CNTNAP5: variants seen among roughly 807,000 people sequenced by gnomAD.
CNTNAP5 encodes contactin-associated protein-like 5.
A neutral mutation model predicts 150.2 loss-of-function variants in CNTNAP5; 72 were observed. The ratio of observed to expected loss-of-function variants is 0.48; its 90% CI spans 0.40 to 0.58. The LOEUF (loss-of-function observed/expected upper bound fraction) is 0.58. Ranked by LOEUF, CNTNAP5 falls within the 20% of genes least tolerant of loss-of-function variation. The pLI is 0.00. For missense variants in CNTNAP5, 1,636 were observed against 1,626.2 expected (o/e 1.01, Z -0.10); for synonymous variants, 672 against 619.8 (o/e 1.08, Z -1.25).
chr2:124,469,563 T>C (rs1338928068), intron 6 of CNTNAP5, among the ~76,000 whole-genome samples: 2 of 151,956 alleles, frequency 1.3e-5, no homozygotes, highest in African/African-American at 4.8e-5. Context: ...CTTTTCTTTT[T>C]TTTTACATTT....
intron 3 of CNTNAP5, among the ~76,000 whole-genome samples, chr2:124,254,353 T>A (rs531071077): frequency 1.3e-5 from 2 of 152,256 alleles, no homozygotes; most frequent in African/African-American, 4.8e-5. Flanking sequence ...CATTTGCAAA[T>A]TCCAGAGGCC....
rs759271498 is a variant in CNTNAP5 at position 124,504,495 on chromosome 2, G to C, written c.1266G>C (p.Glu422Asp). 1 of 1,613,692 alleles carries C rather than the reference G, an allele frequency of 6.2e-7. No homozygotes were observed. The highest frequency in any genetic ancestry group is 8.5e-7 in the Non-Finnish European group (1 of 1,179,842). The change falls in exon 8 of 24, where the codon GAG becomes GAC. Residue 422 changes from glutamate to aspartate, a missense_variant. Transcript: ENST00000682447. ...CGGGAACCCTGCTGCTGAGCCTGGA[G>C]GGTGGAATCCTGAGACTCGTGATTC... The part of the protein sequence containing the change: ...EGSGTLLLSL[E>D]GGILRLVIQK...
intron 10 of CNTNAP5, among the ~76,000 whole-genome samples, chr2:124,539,151 G>A (rs1429962922): frequency 1.3e-5 from 2 of 152,140 alleles, no homozygotes; most frequent in African/African-American, 4.8e-5. Flanking sequence ...GAAAAAGGCA[G>A]GTCTGACCTG....
intron 13 of CNTNAP5, among the ~76,000 whole-genome samples, chr2:124,693,246 CTT>C (rs1558737816): frequency 2.6e-5 from 4 of 152,028 alleles, no homozygotes; most frequent in Non-Finnish European, 5.9e-5. Context: ...GAATAAATGC[CTT>C]TTTGTTATTT....
chr2:124,249,977 GTGTGTGTGTGTGTGTA>G (rs1443671329), intron 3 of CNTNAP5, among the ~76,000 whole-genome samples: 5 of 100,224 alleles, frequency 5.0e-5, no homozygotes, highest in Middle Eastern at 5.9e-3. Flanking sequence ...GTGTGTGTGT[GTGTGTGTGTGTGTGTA>G]TGTGTTTCTT....
At chr2:124,534,464 C>T (rs1695183724) in intron 10 of CNTNAP5, among the ~76,000 whole-genome samples, 1 of 152,122 alleles carries the variant, frequency 6.6e-6, no homozygotes, top group South Asian at 2.1e-4. Context: ...ACAGACAATT[C>T]CAAGAACTGA....
At chr2:124,083,868 G>C (rs1364511420) in intron 1 of CNTNAP5, among the ~76,000 whole-genome samples, 1 of 150,962 alleles carries the variant, frequency 6.6e-6, no homozygotes, top group Non-Finnish European at 1.5e-5. Context: ...TAAAATAATA[G>C]TAATATAACA....
At chr2:124,651,178 G>T (rs576731806) in intron 13 of CNTNAP5, among the ~76,000 whole-genome samples, 1 of 152,154 alleles carries the variant, frequency 6.6e-6, no homozygotes, top group Admixed American at 6.5e-5. Flanking sequence ...TTTTAAAAGC[G>T]TGCAGGCTGA....
intron 6 of CNTNAP5, among the ~76,000 whole-genome samples, chr2:124,464,773 C>T (rs775820622): frequency 1.6e-4 from 24 of 152,158 alleles, no homozygotes; most frequent in Admixed American, 7.9e-4. Flanking sequence ...AATTCATCCA[C>T]CCTTGACTAG....
At chr2:124,706,181 T>C (rs1008289737) in intron 13 of CNTNAP5, among the ~76,000 whole-genome samples, 1 of 152,176 alleles carries the variant, frequency 6.6e-6, no homozygotes, top group Non-Finnish European at 1.5e-5. Context: ...GAGTGTTCCC[T>C]TTCCAAATGT....
Position 124,188,716 on chromosome 2 carries a change from C to CG in CNTNAP5, c.83-32989_83-32988insG, listed in dbSNP as rs779896622. ...CCTGGGTGACAGCGAGACTCTGTCT[C>CG]AAAAAAAAAAAAAAAAAAAAAAGAC... On this transcript the variant is annotated intron_variant, in intron 1 of 23. Transcript: ENST00000682447. Among the ~76,000 whole-genome samples, 5 of 73,062 alleles carry CG rather than the reference C, an allele frequency of 6.8e-5. No individual in the cohort carries two copies. The East Asian group carries it at 2.0e-3, about 29-fold the overall frequency. The allele number at this position is 73,062 out of a possible 152,430, so 47.9% of individuals were successfully genotyped here.
chr2:124,174,597 A>G (rs1255217951), intron 1 of CNTNAP5, among the ~76,000 whole-genome samples: 1 of 152,144 alleles, frequency 6.6e-6, no homozygotes, highest in East Asian at 1.9e-4. Context: ...TTCATGATAG[A>G]CTCTAAAGTG....
chr2:124,647,517 T>C (rs1384948449), intron 12 of CNTNAP5, among the ~76,000 whole-genome samples: 1 of 152,232 alleles, frequency 6.6e-6, no homozygotes, highest in African/African-American at 2.4e-5. Flanking sequence ...ATCATGGGAT[T>C]AAATGCTTAC....
At chr2:124,750,491 A>T (rs1206560367) in intron 14 of CNTNAP5, among the ~76,000 whole-genome samples, 1 of 152,180 alleles carries the variant, frequency 6.6e-6, no homozygotes, top group African/African-American at 2.4e-5. Context: ...TTATAGAAGC[A>T]TTTATATGTA....
At position 124,887,134 on chromosome 2, in the gene CNTNAP5, A is replaced by G. The variant is rs145863612; in HGVS notation, c.3437-15748A>G. Among the ~76,000 whole-genome samples, 96 of 152,162 alleles carry G rather than the reference A, an allele frequency of 6.3e-4. No homozygotes were observed. In the East Asian group the frequency reaches 0.017, roughly 27 times the overall value. On this transcript the variant is annotated intron_variant, in intron 21 of 23. Coordinates refer to ENST00000682447, the MANE Select transcript of CNTNAP5 (RefSeq NM_001367498.1). ...TTGACAGAAATTCCTAATTTATAGT[A>G]CTGTGGTGACTGAAGCTGTGTAAGC... is the stretch of plus-strand genomic sequence containing the variant.
At chr2:124,045,100 A>G (rs558783450) in intron 1 of CNTNAP5, among the ~76,000 whole-genome samples, 2 of 152,256 alleles carry the variant, frequency 1.3e-5, no homozygotes, top group African/African-American at 2.4e-5. Flanking sequence ...TGGCTCCAAA[A>G]TGTGTTCACA....
chr2:124,614,965 T>A (rs1677463365), intron 12 of CNTNAP5, among the ~76,000 whole-genome samples: 1 of 114,280 alleles, frequency 8.8e-6, no homozygotes, highest in Non-Finnish European at 1.8e-5. Context: ...AACTATTAAT[T>A]GTGCAATAGC....
At chr2:124,534,253 T>C (rs1027596441) in intron 10 of CNTNAP5, among the ~76,000 whole-genome samples, 8 of 152,052 alleles carry the variant, frequency 5.3e-5, no homozygotes, top group African/African-American at 1.7e-4. Context: ...AGAGAGTTCT[T>C]GGATCTCGCG....
intron 4 of CNTNAP5, among the ~76,000 whole-genome samples, chr2:124,430,389 C>CA (rs1300641669): frequency 1.3e-5 from 2 of 152,014 alleles, no homozygotes; most frequent in Admixed American, 6.6e-5. Context: ...AGTTCCTGTG[C>CA]AAAAAAACAT....
Sources: allele counts gnomAD v4.1 joint callset (sites outside exome capture counted in the v4.1 genomes callset), GRCh38; gene constraint gnomAD v4.1.1; transcripts MANE v1.5; gene names NCBI Gene and HGNC (gene_info 2026-07-23, HGNC 2026-07-21).